The following ENTREP2 variants were observed in gnomAD, a reference collection of about 807,000 sequenced individuals.
ENTREP2 encodes the protein endosomal transmembrane epsin interactor 2, also known as protein ENTREP2.
the ENTREP2 span, among the ~76,000 whole-genome samples, chr15:29,669,081 C>T: frequency 9.3e-3 from 1,412 of 152,280 alleles, 12 homozygotes; most frequent in African/African-American, 0.032. Context: ...TGGCACATGC[C>T]TGTAATCTCA....
chr15:29,587,253 C>T, the ENTREP2 span, among the ~76,000 whole-genome samples: 1 of 150,228 alleles, frequency 6.7e-6, no homozygotes, highest in Non-Finnish European at 1.5e-5. Flanking sequence ...AATGAACATC[C>T]CAAGGGCCCC....
chr15:29,543,480 A>T, the ENTREP2 span, among the ~76,000 whole-genome samples: 1 of 152,116 alleles, frequency 6.6e-6, no homozygotes, highest in African/African-American at 2.4e-5. Flanking sequence ...CCTCAGGCTT[A>T]AAAAAAGACA....
chr15:29,520,626 T>C, the ENTREP2 span, among the ~76,000 whole-genome samples: 1 of 151,532 alleles, frequency 6.6e-6, no homozygotes, highest in Non-Finnish European at 1.5e-5. Flanking sequence ...CCACATACAA[T>C]GTAAAGCTAA....
At chr15:29,481,319 C>G in the ENTREP2 span, among the ~76,000 whole-genome samples, 3 of 152,244 alleles carry the variant, frequency 2.0e-5, no homozygotes, top group African/African-American at 7.2e-5. Flanking sequence ...GCCTGAGACC[C>G]TGCATTTCTA....
At chr15:29,534,106 CAAAAAAAAA>C in the ENTREP2 span, among the ~76,000 whole-genome samples, 1 of 44,908 alleles carries the variant, frequency 2.2e-5, no homozygotes, top group Non-Finnish European at 3.9e-5. Flanking sequence ...GCCCCTTGGC[CAAAAAAAAA>C]AAAAAAAAAA....
chr15:29,510,642 A>G, the ENTREP2 span, among the ~76,000 whole-genome samples: 1 of 151,884 alleles, frequency 6.6e-6, no homozygotes, highest in Non-Finnish European at 1.5e-5. Context: ...CATCTCTACT[A>G]AAGATACCAA....
chr15:29,593,050 T>C, the ENTREP2 span, among the ~76,000 whole-genome samples: 1 of 152,134 alleles, frequency 6.6e-6, no homozygotes, highest in Non-Finnish European at 1.5e-5. Context: ...GCCTCAGATA[T>C]TCATTACAGC....
chr15:29,333,646 T>A, the ENTREP2 span, among the ~76,000 whole-genome samples: 1 of 152,208 alleles, frequency 6.6e-6, no homozygotes, highest in African/African-American at 2.4e-5. Context: ...CATTTTCTCT[T>A]ACTCCCCAAG....
chr15:29,400,347 G>C, the ENTREP2 span, among the ~76,000 whole-genome samples: 1 of 152,176 alleles, frequency 6.6e-6, no homozygotes, highest in Non-Finnish European at 1.5e-5. Context: ...GATTTAATAA[G>C]AGGTGAGCAG....
chr15:29,574,428 G>T, the ENTREP2 span, among the ~76,000 whole-genome samples: 1 of 152,082 alleles, frequency 6.6e-6, no homozygotes, highest in African/African-American at 2.4e-5. Flanking sequence ...TGAGTAGCTG[G>T]GACTACAGGC....
At chr15:29,527,862 T>C in the ENTREP2 span, among the ~76,000 whole-genome samples, 1 of 152,110 alleles carries the variant, frequency 6.6e-6, no homozygotes, top group African/African-American at 2.4e-5. Flanking sequence ...ACCCCTCTGA[T>C]TCACAGGGGT....
At chr15:29,437,137 C>T in the ENTREP2 span, among the ~76,000 whole-genome samples, 7 of 152,184 alleles carry the variant, frequency 4.6e-5, no homozygotes, top group Non-Finnish European at 8.8e-5. Flanking sequence ...CGAACATCTC[C>T]CACTAGTGCA....
chr15:29,343,027 T>TTGGGGG, the ENTREP2 span, among the ~76,000 whole-genome samples: 20 of 130,882 alleles, frequency 1.5e-4, no homozygotes, highest in African/African-American at 5.4e-4. Flanking sequence ...TAAAAAGGAA[T>TTGGGGG]GGGGGGGGTG....
the ENTREP2 span, among the ~76,000 whole-genome samples, chr15:29,233,156 T>C: frequency 2.6e-5 from 4 of 152,314 alleles, no homozygotes; most frequent in South Asian, 2.1e-4. Flanking sequence ...CTTTCCCACA[T>C]TGAAAAGTGC....
At chr15:29,124,882 AG>A in the ENTREP2 span, 1 of 877,892 alleles carries the variant, frequency 1.1e-6, no homozygotes, top group Non-Finnish European at 1.8e-6. Context: ...AAGCCTGCTG[AG>A]CTGACACCCA....
At chr15:29,398,208 A>G in the ENTREP2 span, among the ~76,000 whole-genome samples, 1 of 150,602 alleles carries the variant, frequency 6.6e-6, no homozygotes, top group South Asian at 2.1e-4. Flanking sequence ...AACTCATAGG[A>G]CAGTGCATTA....
chr15:29,252,263 G>A, the ENTREP2 span: 1 of 599,396 alleles, frequency 1.7e-6, no homozygotes, highest in African/African-American at 1.9e-5. Context: ...TGAATTGAAA[G>A]TGTACATGAG....
At chr15:29,223,492 G>C in the ENTREP2 span, among the ~76,000 whole-genome samples, 2 of 152,164 alleles carry the variant, frequency 1.3e-5, no homozygotes, top group African/African-American at 4.8e-5. Flanking sequence ...TGCTAGCGGG[G>C]AGTCCAGTGG....
At chr15:29,398,248 T>A in the ENTREP2 span, among the ~76,000 whole-genome samples, 1 of 151,286 alleles carries the variant, frequency 6.6e-6, no homozygotes, top group African/African-American at 2.4e-5. Flanking sequence ...ACATCATTTT[T>A]AAATAAAAGG....
Sources: allele counts gnomAD v4.1 joint callset (sites outside exome capture counted in the v4.1 genomes callset), GRCh38; gene constraint gnomAD v4.1.1; transcripts MANE v1.5; gene names NCBI Gene and HGNC (gene_info 2026-07-23, HGNC 2026-07-21).